Variants in ZNF536 observed in about 807,000 individuals in gnomAD.
ZNF536 encodes the protein zinc finger protein 536.
ZNF536 carries 13 observed loss-of-function variants against 84.5 expected under a neutral mutation model. The observed-to-expected ratio is 0.15, with a 90% CI of 0.10 to 0.24. The LOEUF (loss-of-function observed/expected upper bound fraction) is 0.24. Among genes scored for constraint, ZNF536 ranks in the 10% least tolerant of loss-of-function variants. ZNF536 has a pLI of 1.00. For missense variants in ZNF536, 1,536 were observed against 1,747.5 expected (o/e 0.88, Z 2.16); for synonymous variants, 811 against 742.5 (o/e 1.09, Z -1.50).
chr19:30,633,351 C>A (rs569826635), intron 1 of ZNF536, among the ~76,000 whole-genome samples: 5 of 152,280 alleles, frequency 3.3e-5, no homozygotes, highest in African/African-American at 9.6e-5. Context: ...TTAAATACGA[C>A]GTGGGAAGAT....
chr19:30,618,007 A>G (rs918182502), intron 1 of ZNF536, among the ~76,000 whole-genome samples: 2 of 152,146 alleles, frequency 1.3e-5, no homozygotes, highest in Non-Finnish European at 2.9e-5. Flanking sequence ...GTGCATCTCT[A>G]TTGGCTTTAC....
At chr19:30,564,900 G>A (rs144499158) in intron 1 of ZNF536, among the ~76,000 whole-genome samples, 15 of 152,232 alleles carry the variant, frequency 9.9e-5, no homozygotes, top group African/African-American at 2.6e-4. Flanking sequence ...TGGGCTCGGC[G>A]GGGCCACAGA....
At chr19:30,275,732 T>A (rs2026091596) in intron 1 of ZNF536, among the ~76,000 whole-genome samples, 1 of 152,184 alleles carries the variant, frequency 6.6e-6, no homozygotes, top group Non-Finnish European at 1.5e-5. Context: ...AGATTGCGTG[T>A]CAATGCTTGG....
intron 1 of ZNF536, among the ~76,000 whole-genome samples, chr19:30,684,052 A>G (rs2051077449): frequency 1.3e-5 from 2 of 152,158 alleles, no homozygotes; most frequent in African/African-American, 2.4e-5. Context: ...AAAATTATCT[A>G]TCTTTCCTGT....
At chr19:30,333,265 G>A (rs2047274848) in intron 2 of ZNF536, among the ~76,000 whole-genome samples, 1 of 152,170 alleles carries the variant, frequency 6.6e-6, no homozygotes, top group African/African-American at 2.4e-5. Context: ...GACCTCTTCT[G>A]TGGCCACAGT....
intron 2 of ZNF536, among the ~76,000 whole-genome samples, chr19:30,346,850 T>A (rs1465391925): frequency 3.3e-5 from 5 of 152,256 alleles, no homozygotes. Context: ...TATGTTCCTT[T>A]GGGTATATAC....
chr19:30,479,800 G>A (rs1188331405), intron 2 of ZNF536, among the ~76,000 whole-genome samples: 1 of 152,220 alleles, frequency 6.6e-6, no homozygotes, highest in Non-Finnish European at 1.5e-5. Flanking sequence ...TACCCTTTGG[G>A]TATGGCTGGT....
intron 2 of ZNF536, among the ~76,000 whole-genome samples, chr19:30,494,579 C>T (rs141656615): frequency 6.6e-6 from 1 of 152,298 alleles, no homozygotes; most frequent in Admixed American, 6.5e-5. Flanking sequence ...CCCATCCTGT[C>T]ATCCCTCCTT....
intron 1 of ZNF536, among the ~76,000 whole-genome samples, chr19:30,611,236 C>T (rs918601809): frequency 6.6e-6 from 1 of 152,136 alleles, no homozygotes. Flanking sequence ...GGAGTCTCCT[C>T]TCTTCCCATC....
At chr19:30,522,260 T>C (rs866266952) in intron 2 of ZNF536, among the ~76,000 whole-genome samples, 1 of 110,310 alleles carries the variant, frequency 9.1e-6, no homozygotes, top group African/African-American at 3.3e-5. Flanking sequence ...TGGATATATA[T>C]ACATATATAT....
intron 1 of ZNF536, among the ~76,000 whole-genome samples, chr19:30,654,524 T>C (rs1389205640): frequency 6.6e-6 from 1 of 152,018 alleles, no homozygotes; most frequent in Admixed American, 6.6e-5. Context: ...GCGAAAGAAC[T>C]GTGGAATGCT....
At chr19:30,334,516 C>T (rs962596183) in intron 2 of ZNF536, among the ~76,000 whole-genome samples, 1 of 152,148 alleles carries the variant, frequency 6.6e-6, no homozygotes, top group Non-Finnish European at 1.5e-5. Context: ...TTAAGACAAA[C>T]GTTTTCTCCA....
At chr19:30,668,063 A>G (rs1482370010) in intron 1 of ZNF536, among the ~76,000 whole-genome samples, 1 of 152,150 alleles carries the variant, frequency 6.6e-6, no homozygotes, top group Non-Finnish European at 1.5e-5. Context: ...AAATAACTGG[A>G]GTGCCCTTCA....
chr19:30,302,460 A>T (rs1180539468), intron 2 of ZNF536, among the ~76,000 whole-genome samples: 1 of 152,202 alleles, frequency 6.6e-6, no homozygotes, highest in Non-Finnish European at 1.5e-5. Context: ...TCACATGCAG[A>T]ATCCTATAGG....
intron 1 of ZNF536, among the ~76,000 whole-genome samples, chr19:30,566,541 C>G (rs550679126): frequency 3.3e-5 from 5 of 152,374 alleles, no homozygotes; most frequent in African/African-American, 9.6e-5. Flanking sequence ...AGGCACCGAG[C>G]AGCATCTTGT....
At chr19:30,667,298 C>T (rs1389043373) in intron 1 of ZNF536, among the ~76,000 whole-genome samples, 3 of 152,184 alleles carry the variant, frequency 2.0e-5, no homozygotes, top group Non-Finnish European at 4.4e-5. Context: ...AATCGCCTGT[C>T]CCAGTAGCAG....
chr19:30,604,151 A>G (rs183633244), intron 1 of ZNF536, among the ~76,000 whole-genome samples: 2 of 152,236 alleles, frequency 1.3e-5, no homozygotes, highest in Admixed American at 6.5e-5. Flanking sequence ...TGTGGTATGC[A>G]ATAGTAGAAG....
At chr19:30,661,699 G>A (rs1415867649) in intron 1 of ZNF536, among the ~76,000 whole-genome samples, 2 of 152,204 alleles carry the variant, frequency 1.3e-5, no homozygotes, top group Non-Finnish European at 1.5e-5. Context: ...AAGAATAGGG[G>A]TGAAGCTAAA....
At position 30,318,075 on chromosome 19, in the gene ZNF536, A is replaced by C. The variant is rs571618128; in HGVS notation, c.-120+33934A>C. On this transcript the variant is annotated intron_variant, in intron 2 of 5. Transcript: ENST00000585628. Reference sequence around the variant, plus strand: ...ACGCAGGATACTGGCAGAACGGCCAAGTGTCGGCACATCCGGCCTGCCCTT... The same window carrying C: ...ACGCAGGATACTGGCAGAACGGCCACGTGTCGGCACATCCGGCCTGCCCTT... Among the ~76,000 whole-genome samples, 33 of 152,344 alleles carry C rather than the reference A, an allele frequency of 2.2e-4. No individual in the cohort carries two copies. The East Asian group carries it at 6.2e-3, about 29-fold the overall frequency.
Sources: allele counts gnomAD v4.1 joint callset (sites outside exome capture counted in the v4.1 genomes callset), GRCh38; gene constraint gnomAD v4.1.1; transcripts MANE v1.5; gene names NCBI Gene and HGNC (gene_info 2026-07-23, HGNC 2026-07-21).